Variants in NELL1 observed in about 807,000 individuals in gnomAD.
NELL1 encodes protein kinase C-binding protein NELL1.
A neutral mutation model predicts 107.4 loss-of-function variants in NELL1; 76 were observed. The ratio of observed to expected loss-of-function variants is 0.71; its 90% confidence interval spans 0.59 to 0.86. NELL1 has a LOEUF of 0.86. NELL1 is among the 40% of genes least tolerant of loss of function. NELL1 has a pLI of 0.00. For missense variants in NELL1, 1,024 were observed against 1,005.5 expected, an observed-to-expected ratio of 1.02 and a Z score of -0.25; for synonymous variants, 353 against 341.2, an observed-to-expected ratio of 1.03 and a Z score of -0.38.
intron 5 of NELL1, among the ~76,000 whole-genome samples, chr11:20,906,677 G>C (rs1042547830): frequency 6.6e-6 from 1 of 151,880 alleles, no homozygotes; most frequent in Non-Finnish European, 1.5e-5. Context: ...CCAGGAGAAT[G>C]GTTTAACATA....
rs149242325 is a variant in NELL1, at chr11:21,228,264, T to G, written c.1427-1068T>G. Among the ~76,000 whole-genome samples, 728 of 152,320 alleles carry G rather than the reference T, an allele frequency of 4.8e-3. 6 individuals carry two copies. Among genetic ancestry groups the G allele is most frequent in the African/African-American group, 0.017 (700 of 41,570 alleles). On this transcript the variant is annotated intron_variant, in intron 13 of 19. Transcript: ENST00000357134. ...AGTGTGAGAGGAAATTATAGTTATC[T>G]ATGAAACCTTAGTTTCTAACTTGGA...
At chr11:20,673,842 A>ACTT (rs112244898) in intron 1 of NELL1, among the ~76,000 whole-genome samples, 26 of 149,124 alleles carry the variant, frequency 1.7e-4, no homozygotes, top group African/African-American at 6.1e-4. Flanking sequence ...GAAACAATAC[A>ACTT]TTTTTTTTTT....
chr11:21,426,295 G>A (rs989081080), intron 15 of NELL1, among the ~76,000 whole-genome samples: 3 of 152,170 alleles, frequency 2.0e-5, no homozygotes, highest in African/African-American at 7.2e-5. Flanking sequence ...ACTGGGGTTT[G>A]TTCTGTGTCT....
At position 20,751,172 on chromosome 11, in the gene NELL1, A is replaced by C. The variant is rs192438745; in HGVS notation, c.185-32508A>C. On this transcript the variant is annotated intron_variant, in intron 2 of 19. Coordinates refer to ENST00000357134, the MANE Select transcript of NELL1 (RefSeq NM_006157.5). ...TGAAATCAGGCAGTAGAAGAATTCC[A>C]ACTTTTTTTTTTTTATGACTGCTTT... 6.7e-3 allele frequency among the ~76,000 whole-genome samples: 1,012 copies of C among 150,402 alleles called. 7 individuals carry two copies. Among genetic ancestry groups the C allele is most frequent in the African/African-American group, 0.024 (974 of 41,024 alleles).
At chr11:21,210,248 A>G (rs552693724) in intron 13 of NELL1, among the ~76,000 whole-genome samples, 65 of 152,208 alleles carry the variant, frequency 4.3e-4, no homozygotes, top group African/African-American at 1.5e-3. Flanking sequence ...TTGAGTGTAT[A>G]CCTACAAGTG....
chr11:20,676,717 G>C (rs190948690), intron 1 of NELL1, among the ~76,000 whole-genome samples: 170 of 152,300 alleles, frequency 1.1e-3, no homozygotes, highest in East Asian at 5.2e-3. Context: ...GGTTAAGGTG[G>C]GAGGACAGGT....
intron 15 of NELL1, among the ~76,000 whole-genome samples, chr11:21,395,320 GTGTT>G (rs1469819303): frequency 6.6e-6 from 1 of 151,500 alleles, no homozygotes; most frequent in African/African-American, 2.4e-5. Context: ...GAAGAATTCT[GTGTT>G]TGTAATAAGG....
intron 13 of NELL1, among the ~76,000 whole-genome samples, chr11:21,141,781 G>A (rs920808116): frequency 7.2e-6 from 1 of 139,386 alleles, no homozygotes; most frequent in Non-Finnish European, 1.6e-5. Flanking sequence ...TTATTTATTT[G>A]AGGTGGAGTT....
intron 14 of NELL1, among the ~76,000 whole-genome samples, chr11:21,343,761 G>A (rs1481675788): frequency 1.3e-5 from 2 of 152,036 alleles, no homozygotes; most frequent in African/African-American, 4.8e-5. Flanking sequence ...TAGATGGCAG[G>A]GTGGATTTCT....
chr11:21,148,475 G>A (rs928843144), intron 13 of NELL1, among the ~76,000 whole-genome samples: 6 of 152,168 alleles, frequency 3.9e-5, no homozygotes, highest in African/African-American at 7.2e-5. Flanking sequence ...AGGAAAGGAC[G>A]AGACTGATGG....
At chr11:21,464,655 G>A (rs992125739) in intron 15 of NELL1, among the ~76,000 whole-genome samples, 1 of 152,104 alleles carries the variant, frequency 6.6e-6, no homozygotes, top group African/African-American at 2.4e-5. Flanking sequence ...AAATATGGAT[G>A]TTGAGGCTGG....
intron 15 of NELL1, among the ~76,000 whole-genome samples, chr11:21,436,794 C>T (rs1306928193): frequency 6.6e-6 from 1 of 151,880 alleles, no homozygotes; most frequent in Non-Finnish European, 1.5e-5. Flanking sequence ...TTCTGTGTCC[C>T]ATTGGTTTTG....
At chr11:20,749,956 A>G (rs939462675) in intron 2 of NELL1, among the ~76,000 whole-genome samples, 7 of 152,072 alleles carry the variant, frequency 4.6e-5, no homozygotes, top group Non-Finnish European at 7.4e-5. Context: ...TATTTTGGGT[A>G]AATATTTAGG....
At chr11:21,036,535 C>G (rs896628271) in intron 12 of NELL1, among the ~76,000 whole-genome samples, 1 of 151,966 alleles carries the variant, frequency 6.6e-6, no homozygotes, top group Non-Finnish European at 1.5e-5. Flanking sequence ...TTATCTCTTT[C>G]CCATATTCTC....
intron 14 of NELL1, among the ~76,000 whole-genome samples, chr11:21,278,302 A>G (rs1025821039): frequency 6.6e-6 from 1 of 152,176 alleles, no homozygotes; most frequent in Admixed American, 6.5e-5. Context: ...ATGTATTAAG[A>G]AAATAAAATA....
At chr11:21,004,535 C>T (rs1188156777) in intron 12 of NELL1, among the ~76,000 whole-genome samples, 2 of 152,058 alleles carry the variant, frequency 1.3e-5, no homozygotes, top group Non-Finnish European at 2.9e-5. Flanking sequence ...GGGCATCAGT[C>T]CACATGCCTT....
intron 15 of NELL1, among the ~76,000 whole-genome samples, chr11:21,464,300 A>C: frequency 6.6e-6 from 1 of 151,976 alleles, no homozygotes; most frequent in Non-Finnish European, 1.5e-5. Flanking sequence ...AAAGTAATTA[A>C]ACTACCTTTT....
chr11:21,057,129 A>G (rs1041541234), intron 12 of NELL1, among the ~76,000 whole-genome samples: 4 of 152,164 alleles, frequency 2.6e-5, no homozygotes, highest in Admixed American at 2.0e-4. Context: ...TGTCAAATCA[A>G]TAAGAAAAAA....
chr11:21,478,072 T>C (rs1015335617), intron 15 of NELL1, among the ~76,000 whole-genome samples: 1 of 152,072 alleles, frequency 6.6e-6, no homozygotes, highest in African/African-American at 2.4e-5. Context: ...TCCTCATTGC[T>C]GGGGAGGCCC....
Sources: allele counts gnomAD v4.1 joint callset (sites outside exome capture counted in the v4.1 genomes callset), GRCh38; gene constraint gnomAD v4.1.1; transcripts MANE v1.5; gene names NCBI Gene and HGNC (gene_info 2026-07-23, HGNC 2026-07-21).